Variants in LMTK3 observed in about 807,000 individuals in gnomAD.
LMTK3 encodes lemur tail kinase 3, also known as serine/threonine-protein kinase LMTK3.
Under a neutral mutation model 116.7 loss-of-function variants are expected in LMTK3, and 27 were observed. The observed-to-expected ratio is 0.23, with a 90% CI of 0.17 to 0.32. The LOEUF is 0.32. Among genes scored for constraint, LMTK3 ranks in the 10% least tolerant of loss-of-function variants. LMTK3 has a pLI of 1.00. For missense variants in LMTK3, 1,764 were observed against 2,068.5 expected, an observed-to-expected ratio of 0.85 and a Z score of 2.86; for synonymous variants, 965 against 971.0, an observed-to-expected ratio of 0.99 and a Z score of 0.11.
At chr19:48,503,950 C>G (rs528377244) in intron 5 of LMTK3, among the ~76,000 whole-genome samples, 1 of 152,144 alleles carries the variant, frequency 6.6e-6, no homozygotes, top group African/African-American at 2.4e-5. Flanking sequence ...TCACTGCAAC[C>G]TCCACCTCCC....
At chr19:48,496,589 C>T (rs931747127) in intron 11 of LMTK3, among the ~76,000 whole-genome samples, 1 of 151,844 alleles carries the variant, frequency 6.6e-6, no homozygotes, top group Admixed American at 6.6e-5. Flanking sequence ...ATGAGCCACC[C>T]ACCATGCCCG....
intron 5 of LMTK3, among the ~76,000 whole-genome samples, chr19:48,505,493 G>A (rs150233491): frequency 6.6e-6 from 1 of 152,312 alleles, no homozygotes; most frequent in East Asian, 1.9e-4. Context: ...GGGAGGCCGA[G>A]GCAGGAGGAT....
chr19:48,494,024 C>T lies in LMTK3; in HGVS notation c.3762G>A (p.Glu1254=). 2 of 1,145,906 alleles carry T rather than the reference C, an allele frequency of 1.7e-6. No individual in the cohort carries two copies. The highest frequency in any genetic ancestry group is 2.1e-6 in the Non-Finnish European group (2 of 934,974). 71.0% of individuals were successfully genotyped at this position (1,145,906 alleles called of 1,614,324 possible). ...CGCCAGCCGCCCCGGCGTCCGCGCC[C>T]TCCCACGGGGGCCGCCGCGGGCCCG... ...PGPGPRRPPW[E]GADAGAAGGE... Residue 1254 remains glutamate (E), a synonymous_variant, in exon 12 of 15, where the codon GAG becomes GAA. Transcript: ENST00000600059. The surrounding 1 kb of genome is among the most constrained non-coding windows in gnomAD (Gnocchi z 4.0).
At chr19:48,511,089 A>G (rs1488358195) in intron 1 of LMTK3, among the ~76,000 whole-genome samples, 1 of 151,986 alleles carries the variant, frequency 6.6e-6, no homozygotes, top group Admixed American at 6.5e-5. Flanking sequence ...GATGTTCTCT[A>G]TCCCCAGCCC....
intron 4 of LMTK3, 138 bp from the exon 5 acceptor site, chr19:48,509,107 C>A (rs1330175983): frequency 3.2e-6 from 2 of 631,384 alleles, no homozygotes; most frequent in African/African-American, 3.7e-5. Context: ...ACCCTTGACC[C>A]CCACCAGACA....
intron 5 of LMTK3, among the ~76,000 whole-genome samples, chr19:48,505,081 T>TTA (rs1972541141): frequency 7.4e-6 from 1 of 135,686 alleles, no homozygotes; most frequent in Non-Finnish European, 1.5e-5. Flanking sequence ...CTCTGACAGT[T>TTA]TCTCTCTCTC....
chr19:48,506,506 C>T (rs1157474234), intron 5 of LMTK3, among the ~76,000 whole-genome samples: 2 of 152,150 alleles, frequency 1.3e-5, no homozygotes, highest in African/African-American at 4.8e-5. Flanking sequence ...AGTTATTTTC[C>T]TACTGGGGCC....
In LMTK3 at chr19:48,498,701, G is replaced by T; in HGVS notation, c.2368C>A (p.Pro790Thr). ...GSGLSSPGPK[P>T]GDSGYETETP... ...TCGGTCTCGTAGCCGCTGTCCCCCGGCTTGGGGCCCGGCGACGAGAGGCCT... is the reference window on the plus strand; with the variant it reads ...TCGGTCTCGTAGCCGCTGTCCCCCGTCTTGGGGCCCGGCGACGAGAGGCCT... The change falls in exon 11 of 15, where the codon CCG (proline) becomes ACG (threonine). Residue 790 changes from proline (P) to threonine (T), a missense_variant. Transcript: ENST00000600059. 6.5e-7 allele frequency: 1 copy of T among 1,534,704 alleles called. No homozygotes were observed. Among genetic ancestry groups the T allele is most frequent in the South Asian group, 1.2e-5 (1 of 83,964 alleles).
rs1972289949 is a variant in LMTK3, at chr19:48,494,476, C to T, written c.3677-367G>A. 6.6e-6 allele frequency among the ~76,000 whole-genome samples: 1 copy of T among 152,192 alleles called. No homozygotes were observed. Among genetic ancestry groups the T allele is most frequent in the Non-Finnish European group, 1.5e-5 (1 of 68,034 alleles). On this transcript the variant is annotated intron_variant, in intron 11 of 14. Transcript: ENST00000600059. This position sits in a 1 kb window ranked among gnomAD's most constrained non-coding sequence, Gnocchi z 4.0. ...CCGAATAGCTGGGACTACAGGCGCA[C>T]GTGCCACCATGCCCGGCTAATTTTT...
chr19:48,487,486 T>A (rs1972146460), intron 14 of LMTK3, among the ~76,000 whole-genome samples: 1 of 152,106 alleles, frequency 6.6e-6, no homozygotes. Context: ...ACCCTGTCCT[T>A]GTGGAAAAGC....
upstream of LMTK3, chr19:48,513,185 C>T: frequency 1.3e-6 from 2 of 1,599,796 alleles, no homozygotes; most frequent in African/African-American, 1.3e-5. This position sits in a 1 kb window ranked among gnomAD's most constrained non-coding sequence, Gnocchi z 5.6. Context: ...CAGCACTTGC[C>T]TCATACAAAA....
At chr19:48,487,504 C>G (rs1972146732) in intron 14 of LMTK3, among the ~76,000 whole-genome samples, 1 of 152,144 alleles carries the variant, frequency 6.6e-6, no homozygotes. Context: ...AGCTTCCTGT[C>G]TGCTTGTTCC....
upstream of LMTK3, chr19:48,513,129 C>T (rs1237603798): frequency 6.3e-7 from 1 of 1,594,678 alleles, no homozygotes; most frequent in Non-Finnish European, 8.5e-7. This position sits in a 1 kb window ranked among gnomAD's most constrained non-coding sequence, Gnocchi z 5.6. Context: ...ACACGGGTCG[C>T]AAATACCCAC....
chr19:48,501,199 T>A (rs1972459324), intron 9 of LMTK3, 54 bp from the exon 10 acceptor site: 2 of 1,605,060 alleles, frequency 1.2e-6, no homozygotes, highest in Admixed American at 3.4e-5. Context: ...CGGGCCTCAT[T>A]TTCCCCATCT....
In LMTK3 at chr19:48,509,498, AG is replaced by A; in HGVS notation, c.376del (p.Leu126TrpfsTer8). Reference protein sequence around the residue: ...QPSHSDMTTPLGLSRQHLSYL... With the variant: ...QPSHSDMTTPXGLSRQHLSYL... ...GCTCAGGTGCTGCCGGCTAAGGCCC[AG>A]GGGGGTGGTCATGTCTGGGGAGGGC... is the stretch of plus-strand genomic sequence containing the variant. On this transcript the variant is annotated frameshift_variant, in exon 4 of 15. Transcript: ENST00000600059. LOFTEE classifies it high-confidence loss of function. 6.4e-7 allele frequency: 1 copy of A among 1,557,400 alleles called. No individual in the cohort carries two copies.
In LMTK3 at chr19:48,508,963, G is replaced by A; in HGVS notation, c.445C>T (p.Leu149=). ...IGSGWFGKVI[L]GEIFSDYTPA... Reference sequence around the variant, plus strand: ...GTGTAGTCGGAGAAAATCTCTCCCAGGATCACCTGGTCAAGGGGCACCCAG... The same window carrying A: ...GTGTAGTCGGAGAAAATCTCTCCCAAGATCACCTGGTCAAGGGGCACCCAG... The change falls in exon 5 of 15, where the codon CTG becomes TTG. Residue 149 remains leucine (L), a synonymous_variant. Transcript: ENST00000600059. 6.2e-7 allele frequency: 1 copy of A among 1,604,468 alleles called. No individual in the cohort carries two copies. The highest frequency in any genetic ancestry group is 8.5e-7 in the Non-Finnish European group (1 of 1,174,842).
chr19:48,485,596 G>A lies in LMTK3; in HGVS notation c.*177C>T. The stretch of plus-strand genomic sequence containing the variant: ...GGGGAGCCATCTGGGGGGCTGGGGG[G>A]CGGGGGCCCGGGGCCTCCCGTTTGG... On this transcript the variant is annotated 3_prime_UTR_variant, in exon 15 of 15. Transcript: ENST00000600059. 1 of 643,146 alleles carries A rather than the reference G, an allele frequency of 1.6e-6. No individual in the cohort carries two copies. Among genetic ancestry groups the A allele is most frequent in the Non-Finnish European group, 2.6e-6 (1 of 377,444 alleles). The allele number at this position is 643,146 out of a possible 1,614,324, so 39.8% of individuals were successfully genotyped here.
chr19:48,491,451 T>G lies in LMTK3; in HGVS notation c.4181A>C (p.His1394Pro), dbSNP rs989989052. 1 of 1,396,798 alleles carries G rather than the reference T, an allele frequency of 7.2e-7. No individual in the cohort carries two copies. 86.5% of individuals were successfully genotyped at this position (1,396,798 alleles called of 1,614,324 possible). ...AAACCCATCTCCGGGGGTGGCGGGG[T>G]GGGGAGGTGTCGGGGGCGCTGGAGG... ...STPPAPPTPP[H>P]PATPGDGFPS... The change falls in exon 13 of 15, where the codon CAC becomes CCC. Residue 1394 changes from histidine (H) to proline (P), a missense_variant. Transcript: ENST00000600059. This position sits in a 1 kb window ranked among gnomAD's most constrained non-coding sequence, Gnocchi z 5.1.
In LMTK3 at chr19:48,499,108, C is replaced by A; in HGVS notation, c.1961G>T (p.Ser654Ile). 6.4e-7 allele frequency: 1 copy of A among 1,558,022 alleles called. No homozygotes were observed. ...EEEGSSPGED[S>I]SSLGGGPSRR... ...GCTTGGGCCACCTCCAAGGCTGCTG[C>A]TGTCTTCCCCTGGGGAGCTGCCCTC... The change falls in exon 11 of 15, where the codon AGC (serine) becomes ATC (isoleucine). Residue 654 changes from serine to isoleucine, a missense_variant. Physicochemically the swap from Ser to Ile is moderately radical, Grantham distance 142. Coordinates refer to ENST00000600059, the MANE Select transcript of LMTK3 (RefSeq NM_001388485.1).
Sources: allele counts gnomAD v4.1 joint callset (sites outside exome capture counted in the v4.1 genomes callset), GRCh38; gene constraint gnomAD v4.1.1; non-coding constraint Gnocchi (gnomAD v3.1); transcripts MANE v1.5; gene names NCBI Gene and HGNC (gene_info 2026-07-23, HGNC 2026-07-21).